The following NPEPL1 variants were observed in gnomAD, a reference collection of about 807,000 sequenced individuals.
NPEPL1 encodes aminopeptidase like 1, also known as probable aminopeptidase NPEPL1.
In NPEPL1, 45 loss-of-function variants were observed where a neutral mutation model predicts 52.4. That is an observed-to-expected ratio of 0.86 (90% CI 0.68 to 1.10). NPEPL1 has a LOEUF of 1.10. Ranked by LOEUF, NPEPL1 falls within the 50% of genes least tolerant of loss-of-function variation. The pLI is 0.00. For missense variants in NPEPL1, 696 were observed against 710.9 expected (o/e 0.98, Z 0.24); for synonymous variants, 360 against 314.7 (o/e 1.14, Z -1.52).
chr20:58,714,433 TC>T, intron 10 of NPEPL1, 126 bp from the exon 11 acceptor site: 2 of 678,872 alleles, frequency 2.9e-6, no homozygotes, highest in South Asian at 3.9e-5. Flanking sequence ...TTCTGCTGCC[TC>T]CCCACACGCT....
chr20:58,694,433 G>C lies in NPEPL1; in HGVS notation c.348G>C (p.Glu116Asp). ...CCTATGTGCCACAGATGGTCTGCGA[G>C]CAGCCGGAGGTCTTTGCTTCCGCCT... ...GAHRCIVMVC[E>D]QPEVFASACA... Residue 116 changes from glutamate to aspartate, a missense_variant, in exon 3 of 12, where the codon GAG becomes GAC. Coordinates refer to ENST00000356091, the MANE Select transcript of NPEPL1 (RefSeq NM_024663.4). The C allele has an allele frequency of 1.2e-6, 2 of 1,610,136 alleles. No individual in the cohort carries two copies. The highest frequency in any genetic ancestry group is 8.5e-7 in the Non-Finnish European group (1 of 1,177,988).
At chr20:58,699,645 G>A (rs1185251687) in intron 5 of NPEPL1, among the ~76,000 whole-genome samples, 1 of 152,184 alleles carries the variant, frequency 6.6e-6, no homozygotes, top group Non-Finnish European at 1.5e-5. Context: ...GCCTGTGTGC[G>A]GATGGCTCTC....
chr20:58,702,246 C>T lies in NPEPL1; in HGVS notation c.822+1088C>T, dbSNP rs560455110. On this transcript the variant is annotated intron_variant, in intron 6 of 11. Coordinates refer to ENST00000356091, the MANE Select transcript of NPEPL1 (RefSeq NM_024663.4). ...CACTCAGAAGGTCTGCCAGTGCTGG[C>T]GTTCTGTTCCCGCCTGGCAGCATTC... Among the ~76,000 whole-genome samples, 7 of 152,378 alleles carry T rather than the reference C, an allele frequency of 4.6e-5. No homozygotes were observed. In the East Asian group the frequency reaches 7.7e-4, roughly 17 times the overall value.
chr20:58,712,683 G>T, intron 8 of NPEPL1, 104 bp downstream of exon 8: 1 of 852,454 alleles, frequency 1.2e-6, no homozygotes, highest in Non-Finnish European at 2.0e-6. Context: ...GGCACTCAGC[G>T]TTGGGGTCCC....
chr20:58,701,377 G>T lies in NPEPL1; in HGVS notation c.822+219G>T, dbSNP rs73618613. ...GCAGGCTCTCCAGGGTGCCCTGGGG[G>T]GGGGGGAGGGGCCCAGTTTGGGTCC... On this transcript the variant is annotated intron_variant, in intron 6 of 11. Coordinates refer to ENST00000356091, the MANE Select transcript of NPEPL1 (RefSeq NM_024663.4). Among the ~76,000 whole-genome samples, 33 of 124,664 alleles carry T rather than the reference G, an allele frequency of 2.6e-4. 1 individual carries two copies. Among genetic ancestry groups the T allele is most frequent in the South Asian group, 1.7e-3 (6 of 3,560 alleles). 81.8% of individuals were successfully genotyped at this position (124,664 alleles called of 152,430 possible).
At position 58,701,079 on chromosome 20, in the gene NPEPL1, C is replaced by G; in HGVS notation, c.743C>G (p.Pro248Arg). The G allele has an allele frequency of 6.3e-7, 1 of 1,596,198 alleles. No individual in the cohort carries two copies. The highest frequency in any genetic ancestry group is 8.5e-7 in the Non-Finnish European group (1 of 1,172,366). The change falls in exon 6 of 12, where the codon CCA becomes CGA. Residue 248 changes from proline (P) to arginine (R), a missense_variant. Transcript: ENST00000356091. ...PPALAVLSHT[P>R]DGATQTIAWV... ...GCCCTGGCCGTCCTCAGCCACACCC[C>G]AGATGGAGCCACGCAGACCATCGCC...
Position 58,713,318 on chromosome 20 carries a change from A to T in NPEPL1, c.1002-102A>T. Reference sequence around the variant, plus strand: ...AACGTGTTGGGGTTCGGGGAGCCACAGGGATGGGCAGCTCCAAATGGGGTC... The same window carrying T: ...AACGTGTTGGGGTTCGGGGAGCCACTGGGATGGGCAGCTCCAAATGGGGTC... On this transcript the variant is annotated intron_variant, in intron 8 of 11. Coordinates refer to ENST00000356091, the MANE Select transcript of NPEPL1 (RefSeq NM_024663.4). This position sits in a 1 kb window ranked among gnomAD's most constrained non-coding sequence, Gnocchi z 4.6. 1.4e-6 allele frequency: 2 copies of T among 1,420,660 alleles called. No individual in the cohort carries two copies. The highest frequency in any genetic ancestry group is 1.9e-6 in the Non-Finnish European group (2 of 1,064,792). The allele number at this position is 1,420,660 out of a possible 1,614,324, so 88.0% of individuals were successfully genotyped here.
rs564069587 is a variant in NPEPL1 at position 58,715,706 on chromosome 20, C to T, written c.*380C>T. 30 of 171,538 alleles carry T rather than the reference C, an allele frequency of 1.7e-4. No individual in the cohort carries two copies. Among genetic ancestry groups the T allele is most frequent in the Non-Finnish European group, 2.9e-4 (24 of 81,448 alleles). The allele number at this position is 171,538 out of a possible 1,614,324, so 10.6% of individuals were successfully genotyped here. A position where few individuals can be genotyped will look rare whatever the true frequency, so the allele number is the denominator to read the frequency against. ...CTCTTACTCCAGCCGGGGCTGCCAG[C>T]GCATCCAGCCAGCCCAGCCCTGTGA... is the stretch of plus-strand genomic sequence containing the variant. On this transcript the variant is annotated 3_prime_UTR_variant, in exon 12 of 12. Coordinates refer to ENST00000356091, the MANE Select transcript of NPEPL1 (RefSeq NM_024663.4).
rs974506444 is a variant in NPEPL1, at chr20:58,699,062, C to G, written c.598-135C>G. 8.6e-6 allele frequency: 7 copies of G among 812,728 alleles called. No individual in the cohort carries two copies. In the African/African-American group the frequency reaches 1.2e-4, roughly 14 times the overall value. 50.3% of individuals were successfully genotyped at this position (812,728 alleles called of 1,614,324 possible). Reference sequence around the variant, plus strand: ...CCCCTCTTCTGGGTTTCATCACACGCGAAGCTGGCTCCCAAGCCCGGCTCC... The same window carrying G: ...CCCCTCTTCTGGGTTTCATCACACGGGAAGCTGGCTCCCAAGCCCGGCTCC... On this transcript the variant is annotated intron_variant, in intron 4 of 11. Coordinates refer to ENST00000356091, the MANE Select transcript of NPEPL1 (RefSeq NM_024663.4).
chr20:58,691,364 C>CTTTTTTT (rs59929508), upstream of NPEPL1: 22 of 177,306 alleles, frequency 1.2e-4, 8 homozygotes, highest in Non-Finnish European at 2.0e-4. Context: ...CATTCAACAG[C>CTTTTTTT]TTTTTTTTTT....
At position 58,693,938 on chromosome 20, in the gene NPEPL1, G is replaced by C. The variant is rs6100166; in HGVS notation, c.336+16G>C. The C allele has an allele frequency of 0.44, 685,138 of 1,549,198 alleles. 153,057 individuals carry two copies. Among genetic ancestry groups the C allele is most frequent in the Non-Finnish European group, 0.46 (521,840 of 1,142,508 alleles). On this transcript the variant is annotated intron_variant, in intron 2 of 11. Transcript: ENST00000356091. ...CTGCATTGTGGTGAGTGCTTCGAGAGGAGGCAGCCACGGTGCTCCTAGTCG... is the reference window on the plus strand; with the variant it reads ...CTGCATTGTGGTGAGTGCTTCGAGACGAGGCAGCCACGGTGCTCCTAGTCG...
At chr20:58,701,533 C>T (rs1014265562) in intron 6 of NPEPL1, among the ~76,000 whole-genome samples, 1 of 152,046 alleles carries the variant, frequency 6.6e-6, no homozygotes, top group African/African-American at 2.4e-5. Context: ...ACGTGGCTCC[C>T]TGGGTTTCAT....
chr20:58,691,688 CTTTTCTTT>C (rs2084347826), upstream of NPEPL1: 5 of 697,116 alleles, frequency 7.2e-6, no homozygotes, highest in Admixed American at 4.1e-5. Flanking sequence ...TTCTTTTTTT[CTTTTCTTT>C]TTTTTTTTTT....
intron 10 of NPEPL1, 32 bp from the exon 11 acceptor site, chr20:58,714,528 C>T (rs759923825): frequency 6.6e-7 from 1 of 1,506,202 alleles, no homozygotes; most frequent in Non-Finnish European, 8.9e-7. Context: ...CCGGAGCAAC[C>T]CACAGGCACT....
chr20:58,708,537 T>C (rs1170510980), intron 7 of NPEPL1, among the ~76,000 whole-genome samples: 1 of 151,826 alleles, frequency 6.6e-6, no homozygotes, highest in African/African-American at 2.4e-5. Flanking sequence ...CATGAGCACC[T>C]GCCGTGGCCC....
At chr20:58,712,010 C>T (rs2084855700) in intron 7 of NPEPL1, among the ~76,000 whole-genome samples, 1 of 152,238 alleles carries the variant, frequency 6.6e-6, no homozygotes, top group African/African-American at 2.4e-5. Context: ...ATCTGTTGGC[C>T]ACACATTTCT....
At chr20:58,693,472 G>C (rs558871215) in intron 1 of NPEPL1, 3 of 406,044 alleles carry the variant, frequency 7.4e-6, no homozygotes, top group Non-Finnish European at 8.8e-6. Context: ...AGCCCTATCC[G>C]AGTGTTGGAA....
In NPEPL1 at chr20:58,693,901, C is replaced by G. The variant is rs370129350; in HGVS notation, c.315C>G (p.Pro105=). Residue 105 remains proline, a synonymous_variant, in exon 2 of 12, where the codon CCC becomes CCG. Transcript: ENST00000356091. Reference sequence around the variant, plus strand: ...GGCTGGTGCGGACCTGCCTGCCGCCCGGAGCGCATCGCTGCATTGTGGTGA... The same window carrying G: ...GGCTGGTGCGGACCTGCCTGCCGCCGGGAGCGCATCGCTGCATTGTGGTGA... ...ITRLVRTCLP[P]GAHRCIVMVC... 3 of 1,607,260 alleles carry G rather than the reference C, an allele frequency of 1.9e-6. No individual in the cohort carries two copies. Among genetic ancestry groups the G allele is most frequent in the Non-Finnish European group, 2.5e-6 (3 of 1,176,750 alleles).
At chr20:58,694,213 C>T (rs1289888050) in intron 2 of NPEPL1, among the ~76,000 whole-genome samples, 2 of 152,164 alleles carry the variant, frequency 1.3e-5, no homozygotes, top group Non-Finnish European at 2.9e-5. Flanking sequence ...ATCTGGTGGC[C>T]AATGTGTTAT....
Sources: gnomAD v4.1 joint callset for allele counts (sites outside exome capture counted in the v4.1 genomes callset) on GRCh38, gnomAD v4.1.1 for gene constraint, Gnocchi (gnomAD v3.1) non-coding constraint, MANE v1.5 for transcripts, NCBI Gene and HGNC (gene_info 2026-07-23, HGNC 2026-07-21) for gene names.